Variants in HSD17B2 observed in about 807,000 individuals in gnomAD.
HSD17B2 encodes hydroxysteroid 17-beta dehydrogenase 2, also known as 17-beta-hydroxysteroid dehydrogenase type 2.
In HSD17B2, 32 loss-of-function variants were observed where a neutral mutation model predicts 26.9. That is an observed-to-expected ratio of 1.19 (90% CI 0.90 to 1.60). The LOEUF (loss-of-function observed/expected upper bound fraction) is 1.60. Ranked by LOEUF, HSD17B2 falls within the 40% of genes most tolerant of loss-of-function variation. The pLI is 0.00. For missense variants in HSD17B2, 613 were observed against 468.6 expected (o/e 1.31, Z -2.85); for synonymous variants, 246 against 186.7 (o/e 1.32, Z -2.59).
intron 1 of HSD17B2, among the ~76,000 whole-genome samples, chr16:82,061,243 G>GT (rs944950167): frequency 1.3e-5 from 2 of 150,110 alleles, no homozygotes; most frequent in Non-Finnish European, 2.9e-5. Context: ...GGGTGACAGA[G>GT]TGAGACTCTG....
intron 4 of HSD17B2, chr16:82,094,633 T>C (rs1005038474): frequency 6.6e-6 from 1 of 152,224 alleles, no homozygotes; most frequent in Non-Finnish European, 1.5e-5. Flanking sequence ...GAACTCATGT[T>C]TGGAGAATGA....
chr16:82,042,152 C>T (rs1378981807), intron 1 of HSD17B2, among the ~76,000 whole-genome samples: 3 of 151,926 alleles, frequency 2.0e-5, no homozygotes, highest in Non-Finnish European at 4.4e-5. Flanking sequence ...TACAGGGGCC[C>T]ACAACCATGC....
intron 2 of HSD17B2, among the ~76,000 whole-genome samples, chr16:82,069,471 C>A (rs140179459): frequency 1.3e-5 from 2 of 152,278 alleles, no homozygotes; most frequent in East Asian, 1.9e-4. Context: ...AACTTCCCTG[C>A]AGTATTTAAG....
chr16:82,049,716 C>T (rs1308598896), intron 1 of HSD17B2, among the ~76,000 whole-genome samples: 5 of 152,340 alleles, frequency 3.3e-5, no homozygotes, highest in African/African-American at 1.2e-4. Context: ...AATACAAGAA[C>T]ACCCAAGACT....
intron 1 of HSD17B2, among the ~76,000 whole-genome samples, chr16:82,048,005 T>C (rs1297935234): frequency 1.3e-5 from 2 of 152,214 alleles, no homozygotes; most frequent in Non-Finnish European, 2.9e-5. Flanking sequence ...AAATATTATA[T>C]CTTTTGTTTG....
chr16:82,052,025 G>C (rs900256542), intron 1 of HSD17B2, among the ~76,000 whole-genome samples: 1 of 152,246 alleles, frequency 6.6e-6, no homozygotes, highest in Non-Finnish European at 1.5e-5. Context: ...TGTGCCGTCA[G>C]TGCCTTATAC....
At chr16:82,064,200 T>C (rs1006966593) in intron 1 of HSD17B2, among the ~76,000 whole-genome samples, 6 of 152,190 alleles carry the variant, frequency 3.9e-5, no homozygotes, top group African/African-American at 1.2e-4. Flanking sequence ...TTCCAAAATG[T>C]GACAAATTAT....
intron 1 of HSD17B2, among the ~76,000 whole-genome samples, chr16:82,062,673 G>C (rs1472806650): frequency 2.0e-5 from 3 of 152,228 alleles, no homozygotes; most frequent in African/African-American, 7.2e-5. Context: ...GGGTGATTGA[G>C]AGGATTCAGT....
intron 1 of HSD17B2, among the ~76,000 whole-genome samples, chr16:82,038,428 C>A (rs564513030): frequency 9.2e-5 from 14 of 152,304 alleles, no homozygotes; most frequent in African/African-American, 2.9e-4. Flanking sequence ...CAGCTCACTG[C>A]AACCTCTGCC....
intron 4 of HSD17B2, chr16:82,095,435 G>T (rs1904812974): frequency 6.5e-6 from 1 of 152,894 alleles, no homozygotes; most frequent in Admixed American, 6.5e-5. Context: ...GCTAGCAAGG[G>T]CTCATCCCCA....
chr16:82,097,988 G>C (rs1033843252), intron 4 of HSD17B2, 87 bp from the exon 5 acceptor site: 1 of 1,303,286 alleles, frequency 7.7e-7, no homozygotes, highest in Non-Finnish European at 1.1e-6. Context: ...TTTGCAAAGG[G>C]CCATCCTTCC....
At position 82,068,210 on chromosome 16, in the gene HSD17B2, G is replaced by C; in HGVS notation, c.306G>C (p.Leu102=). The change falls in exon 2 of 5, where the codon CTG becomes CTC. Residue 102 remains leucine (L), a synonymous_variant. Transcript: ENST00000199936. ...TTGGCCATGCTTTGTGCAAGTATCT[G>C]GATGAGCTGGGCTTCACGGTATTTG... ...CGLGHALCKY[L]DELGFTVFAG... The C allele has an allele frequency of 6.2e-7, 1 of 1,614,164 alleles. No homozygotes were observed. The highest frequency in any genetic ancestry group is 2.2e-5 in the East Asian group (1 of 44,878).
intron 1 of HSD17B2, chr16:82,044,377 G>A (rs1913854540): frequency 6.6e-6 from 1 of 152,198 alleles, no homozygotes; most frequent in Non-Finnish European, 1.5e-5. Flanking sequence ...ATTGGAGCAC[G>A]GGTCTTAGGC....
intron 1 of HSD17B2, 53 bp from the exon 2 acceptor site, chr16:82,068,117 T>C: frequency 7.0e-7 from 1 of 1,436,886 alleles, no homozygotes; most frequent in South Asian, 1.1e-5. Flanking sequence ...GTTAAATATT[T>C]TCTCCTGTCA....
At chr16:82,065,842 CTT>C (rs1397370980) in intron 1 of HSD17B2, among the ~76,000 whole-genome samples, 1 of 152,176 alleles carries the variant, frequency 6.6e-6, no homozygotes, top group Non-Finnish European at 1.5e-5. Flanking sequence ...CTTGGCATCT[CTT>C]GTTTTCAGTT....
intron 2 of HSD17B2, among the ~76,000 whole-genome samples, chr16:82,070,202 G>C (rs971376632): frequency 1.3e-5 from 2 of 152,056 alleles, no homozygotes; most frequent in Non-Finnish European, 2.9e-5. Context: ...CTCAGACACT[G>C]GCTCTACCAC....
intron 3 of HSD17B2, among the ~76,000 whole-genome samples, chr16:82,088,656 T>C (rs770461405): frequency 2.0e-5 from 3 of 152,218 alleles, no homozygotes; most frequent in African/African-American, 4.8e-5. Context: ...TGTAACTTCT[T>C]TGGCCTCCCT....
intron 2 of HSD17B2, among the ~76,000 whole-genome samples, chr16:82,068,911 G>C (rs1040108203): frequency 6.6e-6 from 1 of 151,796 alleles, no homozygotes; most frequent in African/African-American, 2.4e-5. Flanking sequence ...GGTTTTTTTT[G>C]TTTTCAACTT....
intron 3 of HSD17B2, among the ~76,000 whole-genome samples, chr16:82,073,293 C>T (rs1285193866): frequency 2.6e-5 from 4 of 151,696 alleles, no homozygotes; most frequent in East Asian, 1.9e-4. Flanking sequence ...GGCGCGATCT[C>T]GGCTCACTGC....
Sources: allele counts gnomAD v4.1 joint callset (sites outside exome capture counted in the v4.1 genomes callset), GRCh38; gene constraint gnomAD v4.1.1; transcripts MANE v1.5; gene names NCBI Gene and HGNC (gene_info 2026-07-23, HGNC 2026-07-21).